MAF: variants seen among roughly 807,000 people sequenced by gnomAD.
MAF encodes MAF bZIP transcription factor.
Under a neutral mutation model 22.0 loss-of-function variants are expected in MAF, and 10 were observed. That is an observed-to-expected ratio of 0.45 (90% CI 0.28 to 0.77). The LOEUF is 0.77. Among genes scored for constraint, MAF ranks in the 30% least tolerant of loss-of-function variants. The probability of loss-of-function intolerance (pLI) is 0.12; values close to 1 mark genes in which losing one functional copy is unlikely to be tolerated. For missense variants in MAF, 544 were observed against 548.4 expected (o/e 0.99, Z 0.08); for synonymous variants, 337 against 255.8 (o/e 1.32, Z -3.03).
the MAF span, among the ~76,000 whole-genome samples, chr16:79,562,503 G>C: frequency 6.6e-6 from 1 of 152,118 alleles, no homozygotes; most frequent in East Asian, 1.9e-4. Context: ...AGGCTTAAAG[G>C]CCCATTGTCT....
chr16:79,230,246 C>T, the MAF span, among the ~76,000 whole-genome samples: 1 of 152,228 alleles, frequency 6.6e-6, no homozygotes, highest in Admixed American at 6.5e-5. Flanking sequence ...GGGAAGCTCT[C>T]TTTGGCATTC....
chr16:79,563,530 A>T, the MAF span, among the ~76,000 whole-genome samples: 1 of 152,068 alleles, frequency 6.6e-6, no homozygotes, highest in Non-Finnish European at 1.5e-5. Context: ...GATTTGTGAA[A>T]TATCTCAGTA....
the MAF span, among the ~76,000 whole-genome samples, chr16:79,236,039 G>C: frequency 6.6e-6 from 1 of 152,032 alleles, no homozygotes; most frequent in African/African-American, 2.4e-5. Flanking sequence ...ATCTCAGCCA[G>C]AGGCTGAAAC....
chr16:79,276,497 A>C, the MAF span, among the ~76,000 whole-genome samples: 20 of 152,294 alleles, frequency 1.3e-4, no homozygotes, highest in African/African-American at 4.6e-4. Flanking sequence ...AAGCATCAAA[A>C]AGCACAAATG....
chr16:79,310,207 G>T, the MAF span, among the ~76,000 whole-genome samples: 1 of 152,092 alleles, frequency 6.6e-6, no homozygotes, highest in African/African-American at 2.4e-5. Flanking sequence ...TCCCTGACTT[G>T]GTGCACGCAC....
the MAF span, among the ~76,000 whole-genome samples, chr16:79,288,965 G>A: frequency 1.3e-5 from 2 of 152,178 alleles, no homozygotes; most frequent in Non-Finnish European, 2.9e-5. Flanking sequence ...CCTAACCTCA[G>A]GTGATCCACC....
the MAF span, among the ~76,000 whole-genome samples, chr16:79,413,772 C>T: frequency 3.3e-5 from 5 of 152,280 alleles, no homozygotes; most frequent in Admixed American, 1.3e-4. Context: ...ATATGGTCAG[C>T]AATCTTTCCG....
In MAF at chr16:79,599,496, T is replaced by A; in HGVS notation, c.407A>T (p.Gln136Leu). ...GGCCCCGGCCGCCGCGGCCAGCTGC[T>A]GCGCCCCGCGCGCGTAGCCATCGAA... ...GGFDGYARGAQQLAAAAGAGA... is the reference protein window; with the variant it reads ...GGFDGYARGALQLAAAAGAGA... Residue 136 changes from glutamine to leucine, a missense_variant, in exon 1 of 2, where the codon CAG becomes CTG. Transcript: ENST00000326043. 1 of 1,498,710 alleles carries A rather than the reference T, an allele frequency of 6.7e-7. No homozygotes were observed. Among genetic ancestry groups the A allele is most frequent in the Non-Finnish European group, 8.9e-7 (1 of 1,127,916 alleles). The allele number at this position is 1,498,710 out of a possible 1,614,324, so 92.8% of individuals were successfully genotyped here.
chr16:79,240,101 T>C, the MAF span, among the ~76,000 whole-genome samples: 1 of 151,800 alleles, frequency 6.6e-6, no homozygotes, highest in Non-Finnish European at 1.5e-5. Context: ...GCAAAGGTGA[T>C]AGAGCCCAGA....
chr16:79,512,974 G>A, the MAF span, among the ~76,000 whole-genome samples: 1 of 152,240 alleles, frequency 6.6e-6, no homozygotes, highest in Non-Finnish European at 1.5e-5. Context: ...ACACAAAGGT[G>A]CTGACTGCTC....
chr16:79,335,101 C>T, the MAF span, among the ~76,000 whole-genome samples: 2 of 150,430 alleles, frequency 1.3e-5, no homozygotes, highest in Admixed American at 6.7e-5. Context: ...AGGAGAATTG[C>T]TTGAAACTGG....
chr16:79,408,865 C>G, the MAF span, among the ~76,000 whole-genome samples: 2 of 151,954 alleles, frequency 1.3e-5, no homozygotes, highest in African/African-American at 4.8e-5. Flanking sequence ...GATGGGGGGT[C>G]ATATAAGAAG....
the MAF span, among the ~76,000 whole-genome samples, chr16:79,434,929 G>T: frequency 2.0e-5 from 3 of 152,130 alleles, no homozygotes; most frequent in Non-Finnish European, 4.4e-5. Flanking sequence ...GGATTCCAGG[G>T]AGGCAACGAT....
At chr16:79,373,359 C>CTTTT in the MAF span, among the ~76,000 whole-genome samples, 284 of 33,326 alleles carry the variant, frequency 8.5e-3, 115 homozygotes, top group Non-Finnish European at 0.014. Context: ...GGACTGGTAG[C>CTTTT]TTTTTTTTTT....
At chr16:79,520,488 T>C in the MAF span, among the ~76,000 whole-genome samples, 2 of 151,558 alleles carry the variant, frequency 1.3e-5, no homozygotes, top group Admixed American at 6.6e-5. Flanking sequence ...TGTGTGTGCG[T>C]GTGTGTGTGT....
the MAF span, among the ~76,000 whole-genome samples, chr16:79,311,877 C>A: frequency 2.7e-5 from 4 of 150,780 alleles, no homozygotes; most frequent in African/African-American, 1.0e-4. Context: ...AATGGGCACA[C>A]GGACCTCAGC....
chr16:79,229,582 G>C, the MAF span: 1 of 152,132 alleles, frequency 6.6e-6, no homozygotes, highest in Non-Finnish European at 1.5e-5. Flanking sequence ...GCGGCGTGGA[G>C]GCCGTTCGGT....
chr16:79,306,866 AGAT>A, the MAF span, among the ~76,000 whole-genome samples: 1 of 152,202 alleles, frequency 6.6e-6, no homozygotes, highest in Non-Finnish European at 1.5e-5. Flanking sequence ...TGTAAAATGG[AGAT>A]GATAACAGTA....
chr16:79,535,885 G>T, the MAF span, among the ~76,000 whole-genome samples: 4 of 152,118 alleles, frequency 2.6e-5, no homozygotes, highest in African/African-American at 4.8e-5. Context: ...TGCTACTTTA[G>T]TTCAGCTTTA....
Sources: allele counts gnomAD v4.1 joint callset (sites outside exome capture counted in the v4.1 genomes callset), GRCh38; gene constraint gnomAD v4.1.1; transcripts MANE v1.5; gene names NCBI Gene and HGNC (gene_info 2026-07-23, HGNC 2026-07-21).